INSC: variants seen among roughly 807,000 people sequenced by gnomAD.
INSC encodes the protein INSC spindle orientation adaptor protein.
In INSC, 67 loss-of-function variants were observed where a neutral mutation model predicts 58.6. The ratio of observed to expected loss-of-function variants is 1.14; its 90% confidence interval spans 0.94 to 1.40. The LOEUF (loss-of-function observed/expected upper bound fraction) is 1.40, where lower values mean the gene tolerates loss of function less well. Ranked by LOEUF, INSC falls within the 40% of genes most tolerant of loss-of-function variation. The probability of loss-of-function intolerance (pLI) is 0.00; values close to 1 mark genes in which losing one functional copy is unlikely to be tolerated. For missense variants in INSC, 714 were observed against 692.0 expected, an observed-to-expected ratio of 1.03 and a Z score of -0.36; for synonymous variants, 262 against 276.1, an observed-to-expected ratio of 0.95 and a Z score of 0.51.
At chr11:15,165,349 A>T (rs1018965121) in intron 2 of INSC, among the ~76,000 whole-genome samples, 2 of 152,218 alleles carry the variant, frequency 1.3e-5, no homozygotes, top group African/African-American at 4.8e-5. Context: ...AGTATTACCC[A>T]TCAGGCAGTA....
At chr11:15,230,526 A>C (rs1459072533) in intron 9 of INSC, among the ~76,000 whole-genome samples, 20 of 152,140 alleles carry the variant, frequency 1.3e-4, no homozygotes, top group Non-Finnish European at 7.4e-5. Flanking sequence ...ACCAGGCTCC[A>C]CCTCTAACAT....
intron 7 of INSC, among the ~76,000 whole-genome samples, chr11:15,218,451 G>A (rs950348087): frequency 1.3e-5 from 2 of 151,834 alleles, no homozygotes; most frequent in Admixed American, 1.3e-4. Context: ...GGTGTGCTGG[G>A]GATTTTCTTG....
chr11:15,162,058 G>A (rs1051363565), intron 2 of INSC, among the ~76,000 whole-genome samples: 1 of 152,170 alleles, frequency 6.6e-6, no homozygotes, highest in Non-Finnish European at 1.5e-5. Flanking sequence ...TTTTTATAAA[G>A]CCCTCACTGA....
chr11:15,128,694 T>C (rs937314843), intron 1 of INSC, among the ~76,000 whole-genome samples: 4 of 152,220 alleles, frequency 2.6e-5, no homozygotes, highest in African/African-American at 4.8e-5. Flanking sequence ...ACCACATACC[T>C]GTACCATGTA....
intron 1 of INSC, among the ~76,000 whole-genome samples, chr11:15,148,506 A>G (rs1208276683): frequency 2.0e-5 from 3 of 152,238 alleles, no homozygotes; most frequent in Admixed American, 2.0e-4. Flanking sequence ...CGCTTTTCCT[A>G]GAAGCAATCC....
intron 8 of INSC, among the ~76,000 whole-genome samples, chr11:15,221,982 CGA>C (rs1212296085): frequency 6.6e-6 from 1 of 152,120 alleles, no homozygotes; most frequent in East Asian, 1.9e-4. Flanking sequence ...ATACTCAGAT[CGA>C]GAGACTCTGA....
intron 2 of INSC, among the ~76,000 whole-genome samples, chr11:15,161,626 T>A (rs1270659063): frequency 1.3e-5 from 2 of 152,326 alleles, no homozygotes; most frequent in Admixed American, 1.3e-4. Flanking sequence ...GTTAGAAACA[T>A]GCCTGTTGCA....
At chr11:15,206,650 A>C (rs1458759942) in intron 7 of INSC, among the ~76,000 whole-genome samples, 1 of 152,114 alleles carries the variant, frequency 6.6e-6, no homozygotes, top group African/African-American at 2.4e-5. Flanking sequence ...TGGAGCTGGC[A>C]AGGTGAACTG....
chr11:15,194,082 T>C (rs1488084318), intron 6 of INSC, among the ~76,000 whole-genome samples: 3 of 152,246 alleles, frequency 2.0e-5, no homozygotes, highest in Non-Finnish European at 1.5e-5. Context: ...TCATTAATTA[T>C]AATGGGAGTT....
chr11:15,238,862 C>G, intron 10 of INSC, 57 bp from the exon 11 acceptor site: 1 of 1,565,154 alleles, frequency 6.4e-7, no homozygotes, highest in Non-Finnish European at 8.7e-7. Flanking sequence ...CCAGCTGGCC[C>G]CATGGGGAAG....
intron 2 of INSC, among the ~76,000 whole-genome samples, chr11:15,161,422 T>A (rs1849015560): frequency 6.6e-6 from 1 of 152,148 alleles, no homozygotes; most frequent in South Asian, 2.1e-4. Context: ...GTAATGTTGA[T>A]CTGAAAACTT....
intron 5 of INSC, among the ~76,000 whole-genome samples, chr11:15,183,482 T>G (rs1373587239): frequency 6.6e-6 from 1 of 152,042 alleles, no homozygotes; most frequent in African/African-American, 2.4e-5. Flanking sequence ...GAGGGATGAT[T>G]ATAAAAGTTT....
At chr11:15,149,361 T>C in intron 2 of INSC, 131 bp downstream of exon 2, 1 of 908,770 alleles carries the variant, frequency 1.1e-6, no homozygotes, top group African/African-American at 1.7e-5. Context: ...ATGCCGAGCA[T>C]AAGGTATTGG....
At chr11:15,250,631 C>A (rs567018803), downstream of INSC, among the ~76,000 whole-genome samples, 1 of 152,282 alleles carries the variant, frequency 6.6e-6, no homozygotes, top group East Asian at 1.9e-4. Flanking sequence ...TCTGAAAATT[C>A]ATCTGTTGGT....
chr11:15,131,641 T>C (rs1848128000), intron 1 of INSC, among the ~76,000 whole-genome samples: 1 of 152,206 alleles, frequency 6.6e-6, no homozygotes, highest in African/African-American at 2.4e-5. Flanking sequence ...ATCTTAAGAC[T>C]ATGCTATTAG....
chr11:15,240,696 A>G (rs1852315410), intron 12 of INSC, among the ~76,000 whole-genome samples, 173 bp downstream of exon 12: 2 of 152,172 alleles, frequency 1.3e-5, no homozygotes, highest in South Asian at 4.1e-4. Flanking sequence ...TTAATTCATA[A>G]AATCATGATG....
At chr11:15,251,307 G>A (rs531553798), downstream of INSC, among the ~76,000 whole-genome samples, 4 of 152,270 alleles carry the variant, frequency 2.6e-5, no homozygotes, top group African/African-American at 7.2e-5. Flanking sequence ...ACAACTCTTC[G>A]AAGTAAACAT....
upstream of INSC, among the ~76,000 whole-genome samples, chr11:15,114,160 T>G (rs1847636422): frequency 6.8e-6 from 1 of 147,936 alleles, no homozygotes; most frequent in African/African-American, 2.5e-5. Flanking sequence ...TCTGGAAGCT[T>G]TCTTCCAGGT....
intron 2 of INSC, among the ~76,000 whole-genome samples, chr11:15,167,734 T>C (rs923727893): frequency 1.3e-5 from 2 of 152,014 alleles, no homozygotes; most frequent in Non-Finnish European, 2.9e-5. Context: ...TCCTCCCACC[T>C]CCACCTCCCA....
Sources: allele counts gnomAD v4.1 joint callset (sites outside exome capture counted in the v4.1 genomes callset), GRCh38; gene constraint gnomAD v4.1.1; transcripts MANE v1.5; gene names NCBI Gene and HGNC (gene_info 2026-07-23, HGNC 2026-07-21).